The following TCF12 variants were observed in gnomAD, a reference collection of about 807,000 sequenced individuals.
The protein encoded by TCF12 is DNA-binding protein HTF4.
Under a neutral mutation model 86.0 loss-of-function variants are expected in TCF12, and 45 were observed. The observed-to-expected ratio is 0.52, with a 90% CI of 0.41 to 0.67. TCF12 has a LOEUF of 0.67. Ranked by LOEUF, TCF12 falls within the 30% of genes least tolerant of loss-of-function variation. TCF12 has a pLI of 0.00. For missense variants in TCF12, 881 were observed against 859.9 expected (o/e 1.02, Z -0.31); for synonymous variants, 330 against 299.6 (o/e 1.10, Z -1.05).
intron 3 of TCF12, among the ~76,000 whole-genome samples, chr15:57,014,028 T>C (rs2064998451): frequency 6.6e-6 from 1 of 152,192 alleles, no homozygotes; most frequent in Non-Finnish European, 1.5e-5. Context: ...TTCAGACTTG[T>C]GGCTCCTGCC....
chr15:56,950,754 T>C (rs1207271835), intron 3 of TCF12, among the ~76,000 whole-genome samples: 3 of 142,122 alleles, frequency 2.1e-5, no homozygotes, highest in Admixed American at 1.4e-4. Flanking sequence ...TGTTTTTTTT[T>C]TTTTTTTTTT....
At chr15:57,012,634 T>C (rs72751008) in intron 3 of TCF12, among the ~76,000 whole-genome samples, 14,381 of 152,138 alleles carry the variant, frequency 0.095, 868 homozygotes, top group South Asian at 0.17. Flanking sequence ...GAGGGAAAAG[T>C]TGAGTTGTGA....
chr15:57,200,718 TAG>T (rs1254796839), intron 8 of TCF12, among the ~76,000 whole-genome samples: 4 of 152,242 alleles, frequency 2.6e-5, no homozygotes, highest in African/African-American at 7.2e-5. Context: ...TAGCATTGAT[TAG>T]AGACTTTTTT....
At chr15:57,049,487 T>C (rs572722305) in intron 3 of TCF12, among the ~76,000 whole-genome samples, 2 of 152,348 alleles carry the variant, frequency 1.3e-5, no homozygotes, top group African/African-American at 4.8e-5. Context: ...TCCTCTTTTG[T>C]GTCTGGCTGC....
chr15:57,170,677 TATATTATATATAATATATATTATATATA>T (rs2055303814), intron 6 of TCF12, among the ~76,000 whole-genome samples: 1 of 1,312 alleles, frequency 7.6e-4, no homozygotes, highest in East Asian at 0.014. Flanking sequence ...ATATATATAA[TATATTATATATAATATATATTATATATA>T]ATATATAATA....
intron 3 of TCF12, among the ~76,000 whole-genome samples, chr15:56,952,920 C>A (rs1379892649): frequency 6.6e-6 from 1 of 150,720 alleles, no homozygotes; most frequent in African/African-American, 2.4e-5. Context: ...GAACAGATAT[C>A]CTTGTCTTGT....
intron 3 of TCF12, among the ~76,000 whole-genome samples, chr15:56,922,364 C>T (rs2059832253): frequency 1.3e-5 from 2 of 152,034 alleles, no homozygotes; most frequent in South Asian, 4.1e-4. Context: ...TGGACAGTCA[C>T]TGATACAATA....
intron 8 of TCF12, among the ~76,000 whole-genome samples, chr15:57,225,220 C>CTTTTTTTTTT (rs139530756): frequency 7.5e-5 from 3 of 39,770 alleles, no homozygotes; most frequent in African/African-American, 2.1e-4. Context: ...CTGATATATG[C>CTTTTTTTTTT]TTTTTTTTTT....
chr15:56,947,351 C>T (rs1389158726), intron 3 of TCF12, among the ~76,000 whole-genome samples: 3 of 152,120 alleles, frequency 2.0e-5, no homozygotes, highest in Non-Finnish European at 4.4e-5. Context: ...AAGGTGACTC[C>T]ATGCACGTTT....
In TCF12 at chr15:56,980,766, C is replaced by T. The variant is rs112423248; in HGVS notation, c.148+59668C>T. On this transcript the variant is annotated intron_variant, in intron 3 of 20. Coordinates refer to ENST00000333725, the MANE Select transcript of TCF12 (RefSeq NM_207037.2). ...TTCTCTTTTCCTGTAGGATTTTGTTCATTCTGCTAGTCATGTTTGGCTGTT... is the reference window on the plus strand; with the variant it reads ...TTCTCTTTTCCTGTAGGATTTTGTTTATTCTGCTAGTCATGTTTGGCTGTT... 7.9e-5 allele frequency among the ~76,000 whole-genome samples: 12 copies of T among 152,266 alleles called. 1 individual carries two copies. The highest frequency in any genetic ancestry group is 2.9e-4 in the African/African-American group (12 of 41,552).
intron 5 of TCF12, among the ~76,000 whole-genome samples, chr15:57,157,487 A>G (rs775701334): frequency 1.3e-5 from 2 of 152,162 alleles, no homozygotes; most frequent in Non-Finnish European, 2.9e-5. Context: ...AGAATATACA[A>G]CTGTTAAGAA....
At chr15:56,985,995 C>T (rs773902285) in intron 3 of TCF12, among the ~76,000 whole-genome samples, 2 of 152,028 alleles carry the variant, frequency 1.3e-5, no homozygotes, top group African/African-American at 2.4e-5. Context: ...TTTGAGATCA[C>T]CCAGCAGTTT....
chr15:57,285,595 C>T (rs1390474809), intron 20 of TCF12, among the ~76,000 whole-genome samples: 2 of 152,040 alleles, frequency 1.3e-5, no homozygotes, highest in Non-Finnish European at 2.9e-5. Flanking sequence ...TGAGTGGAGG[C>T]AGCAGCAAAT....
At chr15:56,971,943 G>A (rs1191952911) in intron 3 of TCF12, among the ~76,000 whole-genome samples, 1 of 152,246 alleles carries the variant, frequency 6.6e-6, no homozygotes, top group Admixed American at 6.5e-5. Flanking sequence ...TAGGGATATG[G>A]GGTTTTTGGA....
chr15:57,262,882 G>A (rs1427887575), intron 17 of TCF12, among the ~76,000 whole-genome samples: 1 of 152,126 alleles, frequency 6.6e-6, no homozygotes, highest in African/African-American at 2.4e-5. Context: ...CATTAAATTG[G>A]TCATGGGGGT....
chr15:57,242,537 T>C (rs993964238), intron 12 of TCF12, among the ~76,000 whole-genome samples: 1 of 152,112 alleles, frequency 6.6e-6, no homozygotes, highest in African/African-American at 2.4e-5. Flanking sequence ...CATGGTGGCA[T>C]GCACTCGTAG....
At chr15:57,242,907 A>C (rs1289006541) in intron 12 of TCF12, among the ~76,000 whole-genome samples, 1 of 152,256 alleles carries the variant, frequency 6.6e-6, no homozygotes, top group Non-Finnish European at 1.5e-5. Context: ...CAAGGATGAC[A>C]GAGTATCTTC....
chr15:56,953,324 G>A (rs1567157020), intron 3 of TCF12, among the ~76,000 whole-genome samples: 1 of 151,688 alleles, frequency 6.6e-6, no homozygotes, highest in Admixed American at 6.6e-5. Context: ...GTTTTTGTCT[G>A]GTTTTGACAT....
At chr15:57,129,942 A>G (rs2051977611) in intron 5 of TCF12, 1 of 152,230 alleles carries the variant, frequency 6.6e-6, no homozygotes, top group South Asian at 2.1e-4. Flanking sequence ...CTTTTTGCCT[A>G]TGCTCCTCTA....
Sources: gnomAD v4.1 joint callset for allele counts (sites outside exome capture counted in the v4.1 genomes callset) on GRCh38, gnomAD v4.1.1 for gene constraint, MANE v1.5 for transcripts, NCBI Gene and HGNC (gene_info 2026-07-23, HGNC 2026-07-21) for gene names.